The following ZNF850 variants were observed in gnomAD, a reference collection of about 807,000 sequenced individuals.
ZNF850 encodes zinc finger protein 850.
ZNF850 carries 2 observed loss-of-function variants against 11.9 expected under a neutral mutation model. That is an observed-to-expected ratio of 0.17 (90% CI 0.07 to 0.53). ZNF850 has a LOEUF of 0.53. Among genes scored for constraint, ZNF850 ranks in the 20% least tolerant of loss-of-function variants. The probability of loss-of-function intolerance (pLI) is 0.94; values close to 1 mark genes in which losing one functional copy is unlikely to be tolerated. For missense variants in ZNF850, 1,014 were observed against 1,316.4 expected (o/e 0.77, Z 3.55); for synonymous variants, 381 against 443.0 (o/e 0.86, Z 1.76).
chr19:36,759,318 A>G (rs965226218), intron 4 of ZNF850, among the ~76,000 whole-genome samples: 1 of 152,006 alleles, frequency 6.6e-6, no homozygotes, highest in African/African-American at 2.4e-5. Flanking sequence ...TACAAAAAAA[A>G]TTAGAAATTG....
intron 4 of ZNF850, among the ~76,000 whole-genome samples, chr19:36,755,509 C>G (rs1024738945): frequency 6.6e-6 from 1 of 152,104 alleles, no homozygotes; most frequent in African/African-American, 2.4e-5. Context: ...GCATGAGCCA[C>G]CGCACCTGGC....
intron 4 of ZNF850, among the ~76,000 whole-genome samples, chr19:36,753,362 C>T (rs2040465326): frequency 7.7e-6 from 1 of 129,272 alleles, no homozygotes; most frequent in Non-Finnish European, 1.6e-5. Context: ...GCCAAGACTG[C>T]AAGATTACCA....
intron 4 of ZNF850, among the ~76,000 whole-genome samples, chr19:36,755,076 C>T (rs1467531275): frequency 6.6e-6 from 1 of 152,150 alleles, no homozygotes; most frequent in African/African-American, 2.4e-5. Flanking sequence ...AGTCTGAACA[C>T]ACTTCCAGAA....
rs1351970820 is a variant in ZNF850 at position 36,745,781 on chromosome 19, C to G, written c.*1986G>C. ...GACAAGGTGGGCCATTCTTTATATT[C>G]ATAAGGTGGGAAGATTGCTTGAAGA... On this transcript the variant is annotated 3_prime_UTR_variant, in exon 5 of 5. Coordinates refer to ENST00000591344, the MANE Select transcript of ZNF850 (RefSeq NM_001193552.2). 1 of 152,014 alleles carries G rather than the reference C, an allele frequency of 6.6e-6. No individual in the cohort carries two copies. The highest frequency in any genetic ancestry group is 1.5e-5 in the Non-Finnish European group (1 of 68,056). 9.4% of individuals were successfully genotyped at this position (152,014 alleles called of 1,614,324 possible). A position where few individuals can be genotyped will look rare whatever the true frequency, so the allele number is the denominator to read the frequency against.
intron 1 of ZNF850, among the ~76,000 whole-genome samples, chr19:36,770,733 A>AAAAAAAAAAC (rs2040576573): frequency 1.4e-5 from 2 of 138,932 alleles, no homozygotes; most frequent in Non-Finnish European, 3.1e-5. Flanking sequence ...AAAAAAAAAA[A>AAAAAAAAAAC]AAAAAGCCAG....
chr19:36,751,861 T>C (rs2040456289), intron 4 of ZNF850, among the ~76,000 whole-genome samples: 1 of 152,152 alleles, frequency 6.6e-6, no homozygotes, highest in South Asian at 2.1e-4. Flanking sequence ...TCATTAATTA[T>C]GACAAATGTA....
Position 36,749,638 on chromosome 19 carries a change from G to A in ZNF850, c.1402C>T (p.Gln468Ter). The A allele has an allele frequency of 6.4e-7, 1 of 1,553,962 alleles. No homozygotes were observed. Residue 468 changes from glutamine (Q) to a stop codon, truncating the protein, a stop_gained, in exon 5 of 5, where the codon CAG (glutamine) becomes TAG (stop). Transcript: ENST00000591344. LOFTEE classifies it low-confidence loss of function (END_TRUNC). ...GGTTTCTCACCAGTGTGAATCCGCT[G>A]ATGTTGAAGTAGTGCTGAGCCCGAA... ...FASGSALLQH[Q>*]RIHTGEKPYC...
rs765517293 is a variant in ZNF850, at chr19:36,748,334, A to G, written c.2706T>C (p.Cys902=). 1.5e-5 allele frequency: 24 copies of G among 1,593,834 alleles called. No individual in the cohort carries two copies. The highest frequency in any genetic ancestry group is 1.9e-5 in the Non-Finnish European group (22 of 1,173,104). Residue 902 remains cysteine, a synonymous_variant, in exon 5 of 5, where the codon TGT becomes TGC. Transcript: ENST00000591344. Reference sequence around the variant, plus strand: ...TTGAACGACGTCTAAAGGCCTTGCCACATTCCTTACAATCATAGGGTTTCT... The same window carrying G: ...TTGAACGACGTCTAAAGGCCTTGCCGCATTCCTTACAATCATAGGGTTTCT... ...TGEKPYDCKE[C]GKAFRRRSKL...
Position 36,747,635 on chromosome 19 carries a change from C to CA in ZNF850, c.*131dup, listed in dbSNP as rs56769461. ...TGGGCGACAGAGCAAGACTCCGTCTCAAAAAAAAAAAAAAAAGTCGTAATT... is the reference window on the plus strand; with the variant it reads ...TGGGCGACAGAGCAAGACTCCGTCTCAAAAAAAAAAAAAAAAAGTCGTAATT... On this transcript the variant is annotated 3_prime_UTR_variant, in exon 5 of 5. Coordinates refer to ENST00000591344, the MANE Select transcript of ZNF850 (RefSeq NM_001193552.2). 0.12 allele frequency: 92,869 copies of CA among 754,402 alleles called. 5 individuals carry two copies. Among genetic ancestry groups the CA allele is most frequent in the Non-Finnish European group, 0.13 (70,722 of 542,766 alleles). The allele number at this position is 754,402 out of a possible 1,614,324, so 46.7% of individuals were successfully genotyped here.
intron 4 of ZNF850, among the ~76,000 whole-genome samples, chr19:36,752,896 C>G (rs2040461651): frequency 6.6e-6 from 1 of 152,134 alleles, no homozygotes; most frequent in Non-Finnish European, 1.5e-5. Context: ...CAAGATGGAA[C>G]AGCTAAAATT....
In ZNF850 at chr19:36,770,703, C is replaced by CAAAAAAAAAAAAAAAAAAAAA. The variant is rs567709722; in HGVS notation, c.-70+2001_-70+2021dup. Among the ~76,000 whole-genome samples the CAAAAAAAAAAAAAAAAAAAAA allele has an allele frequency of 6.0e-5, 4 of 66,604 alleles. 1 individual carries two copies. Among genetic ancestry groups the CAAAAAAAAAAAAAAAAAAAAA allele is most frequent in the Non-Finnish European group, 9.4e-5 (3 of 31,920 alleles). 43.7% of individuals were successfully genotyped at this position (66,604 alleles called of 152,430 possible). A position where few individuals can be genotyped will look rare whatever the true frequency, so the allele number is the denominator to read the frequency against. ...TCTGGGCGACAGAGAGAGACTCCAT[C>CAAAAAAAAAAAAAAAAAAAAA]AAAAAAAAAAAAAAAAAAAAAAAAA... On this transcript the variant is annotated intron_variant, in intron 1 of 4. Transcript: ENST00000591344.
rs138176607 is a variant in ZNF850, at chr19:36,750,569, G to A, written c.471C>T (p.Leu157=). 28 of 1,536,172 alleles carry A rather than the reference G, an allele frequency of 1.8e-5. No individual in the cohort carries two copies. In the East Asian group the frequency reaches 6.8e-4, roughly 38 times the overall value. The change falls in exon 5 of 5, where the codon CTC becomes CTT. Residue 157 remains leucine (L), a synonymous_variant. Coordinates refer to ENST00000591344, the MANE Select transcript of ZNF850 (RefSeq NM_001193552.2). ...TTPTFCLQTS[L]TLHHRIHPGE... is the part of the protein sequence containing the mutation. ...CAGGATGAATCCGATGATGCAGAGT[G>A]AGAGATGTCTGTAGGCAGAAAGTTG...
At chr19:36,763,042 C>T (rs1452007143) in intron 1 of ZNF850, among the ~76,000 whole-genome samples, 1 of 151,972 alleles carries the variant, frequency 6.6e-6, no homozygotes, top group Non-Finnish European at 1.5e-5. Context: ...AGGCGTGCAC[C>T]ACCATGTCCA....
chr19:36,763,405 G>T (rs1475401236), intron 1 of ZNF850, among the ~76,000 whole-genome samples: 1 of 151,868 alleles, frequency 6.6e-6, no homozygotes, highest in Non-Finnish European at 1.5e-5. Flanking sequence ...TTAGCTGGGG[G>T]TGGTGGCGCA....
chr19:36,749,730 A>G lies in ZNF850; in HGVS notation c.1310T>C (p.Ile437Thr). The change falls in exon 5 of 5, where the codon ATT (isoleucine) becomes ACT (threonine). Residue 437 changes from isoleucine to threonine, a missense_variant. Ile to Thr is a moderately conservative substitution (Grantham distance 89). This residue lies in a region of ZNF850 where 835 missense variants were observed against 1,022.0 expected (regional missense o/e 0.82). Transcript: ENST00000591344. ...ACCAGTGTGAATTCGCTGATGTTGAATTAGTGTTGAGCCAGCAGTAAAAGA... is the reference window on the plus strand; with the variant it reads ...ACCAGTGTGAATTCGCTGATGTTGAGTTAGTGTTGAGCCAGCAGTAAAAGA... The part of the protein sequence containing the change: ...GKSFTAGSTL[I>T]QHQRIHTGEK... The G allele has an allele frequency of 6.4e-7, 1 of 1,557,422 alleles. No individual in the cohort carries two copies. The highest frequency in any genetic ancestry group is 8.7e-7 in the Non-Finnish European group (1 of 1,153,396).
At position 36,748,317 on chromosome 19, in the gene ZNF850, C is replaced by T. The variant is rs1373650785; in HGVS notation, c.2723G>A (p.Arg908His). Residue 908 changes from arginine to histidine, a missense_variant, in exon 5 of 5, where the codon CGT (arginine) becomes CAT (histidine). Arg to His is a conservative substitution (Grantham distance 29). Coordinates refer to ENST00000591344, the MANE Select transcript of ZNF850 (RefSeq NM_001193552.2). ...DCKECGKAFR[R>H]RSKLTQHQRI... ...TTGATGTTGAGTAAGTTTTGAACGA[C>T]GTCTAAAGGCCTTGCCACATTCCTT... 3.8e-6 allele frequency: 6 copies of T among 1,587,082 alleles called. No homozygotes were observed. The highest frequency in any genetic ancestry group is 1.8e-5 in the Admixed American group (1 of 56,254).
At chr19:36,753,292 A>AG (rs2040464723) in intron 4 of ZNF850, among the ~76,000 whole-genome samples, 1 of 147,390 alleles carries the variant, frequency 6.8e-6, no homozygotes, top group Admixed American at 6.8e-5. Context: ...AAAAAAAAAA[A>AG]GTAAAAGTTC....
intron 4 of ZNF850, among the ~76,000 whole-genome samples, chr19:36,751,698 CA>C (rs398038336): frequency 0.012 from 187 of 15,762 alleles, no homozygotes; most frequent in African/African-American, 0.025. Flanking sequence ...GACTCCATCT[CA>C]AAAAAAAAAA....
Position 36,748,675 on chromosome 19 carries a change from C to G in ZNF850, c.2365G>C (p.Glu789Gln). Residue 789 changes from glutamate (E) to glutamine (Q), a missense_variant, in exon 5 of 5, where the codon GAA (glutamate) becomes CAA (glutamine). Physicochemically the swap from Glu to Gln is conservative, Grantham distance 29. Transcript: ENST00000591344. Reference protein sequence around the residue: ...HTGEKLYDCKECGKSFTSHST... With the variant: ...HTGEKLYDCKQCGKSFTSHST... ...TGAGAAGTAAAAGATTTCCCACATT[C>G]CTTACAATCATAGAGCTTCTCACCA... 1.3e-6 allele frequency: 2 copies of G among 1,537,764 alleles called. No homozygotes were observed. Among genetic ancestry groups the G allele is most frequent in the African/African-American group, 2.7e-5 (2 of 73,154 alleles).
Sources: allele counts gnomAD v4.1 joint callset (sites outside exome capture counted in the v4.1 genomes callset), GRCh38; gene constraint gnomAD v4.1.1; regional missense constraint gnomAD v4.1.1; transcripts MANE v1.5; gene names NCBI Gene and HGNC (gene_info 2026-07-23, HGNC 2026-07-21).